The following AUTS2 variants were observed in gnomAD, a reference collection of about 807,000 sequenced individuals.
AUTS2 encodes autism susceptibility gene 2 protein.
Under a neutral mutation model 112.4 loss-of-function variants are expected in AUTS2, and 17 were observed. The observed-to-expected ratio is 0.15, with a 90% confidence interval of 0.10 to 0.23. The LOEUF is 0.23. AUTS2 is among the 10% of genes least tolerant of loss of function. The pLI, the probability that AUTS2 is intolerant of heterozygous loss-of-function variation, is 1.00. For synonymous variants in AUTS2, 751 were observed against 702.7 expected (o/e 1.07, Z -1.09); for missense variants, 1,510 against 1,701.6 (o/e 0.89, Z 1.98).
At chr7:69,950,438 G>GT (rs564329613) in intron 2 of AUTS2, among the ~76,000 whole-genome samples, 2 of 152,022 alleles carry the variant, frequency 1.3e-5, no homozygotes, top group South Asian at 2.1e-4. Context: ...TTTCAACATA[G>GT]TTTTTTTATT....
chr7:69,942,115 T>C (rs1310833652), intron 2 of AUTS2, among the ~76,000 whole-genome samples: 1 of 152,214 alleles, frequency 6.6e-6, no homozygotes, highest in Non-Finnish European at 1.5e-5. Flanking sequence ...CTTGTATCTC[T>C]GTTACTTGAT....
intron 2 of AUTS2, among the ~76,000 whole-genome samples, chr7:70,105,192 G>A (rs1008888252): frequency 6.6e-6 from 1 of 152,120 alleles, no homozygotes; most frequent in Non-Finnish European, 1.5e-5. Context: ...TGTAAATTGG[G>A]AAGTACAATT....
chr7:70,156,711 A>G (rs1001082351), intron 4 of AUTS2, among the ~76,000 whole-genome samples: 2 of 151,574 alleles, frequency 1.3e-5, no homozygotes, highest in Non-Finnish European at 2.9e-5. Context: ...ACAATTTTTC[A>G]GCTTTGTACT....
At chr7:69,917,886 A>G (rs919844309) in intron 2 of AUTS2, among the ~76,000 whole-genome samples, 4 of 151,996 alleles carry the variant, frequency 2.6e-5, no homozygotes, top group African/African-American at 9.7e-5. Context: ...TCTGTCGCCC[A>G]GGCTGGAGTG....
intron 5 of AUTS2, among the ~76,000 whole-genome samples, chr7:70,490,501 T>G (rs1397435506): frequency 6.6e-6 from 1 of 151,966 alleles, no homozygotes; most frequent in East Asian, 1.9e-4. Context: ...AATTGTTGGT[T>G]TCTACAGTGA....
At chr7:69,624,118 A>C (rs1793817251) in intron 1 of AUTS2, among the ~76,000 whole-genome samples, 2 of 152,166 alleles carry the variant, frequency 1.3e-5, no homozygotes, top group South Asian at 2.1e-4. Flanking sequence ...ACTGTCTATT[A>C]ATGCTCACAG....
At chr7:70,434,052 C>T (rs900910655) in intron 4 of AUTS2, among the ~76,000 whole-genome samples, 2 of 152,160 alleles carry the variant, frequency 1.3e-5, no homozygotes, top group Non-Finnish European at 1.5e-5. Flanking sequence ...CTTTTTGCCT[C>T]ATTTTTGCAA....
At chr7:70,432,907 C>T (rs545295051) in intron 4 of AUTS2, among the ~76,000 whole-genome samples, 44 of 152,270 alleles carry the variant, frequency 2.9e-4, no homozygotes, top group Middle Eastern at 3.4e-3. Flanking sequence ...GACCCCAGTG[C>T]AGCAGAGACT....
At chr7:70,651,024 A>G (rs1356256654) in intron 5 of AUTS2, among the ~76,000 whole-genome samples, 1 of 152,220 alleles carries the variant, frequency 6.6e-6, no homozygotes, top group Non-Finnish European at 1.5e-5. Flanking sequence ...GATAGTAATG[A>G]TCAACATTAC....
intron 1 of AUTS2, among the ~76,000 whole-genome samples, chr7:69,773,905 A>G (rs1239994033): frequency 6.6e-6 from 1 of 152,204 alleles, no homozygotes; most frequent in Non-Finnish European, 1.5e-5. Context: ...CCTAACTTGG[A>G]GGAAATAAAC....
intron 5 of AUTS2, among the ~76,000 whole-genome samples, chr7:70,573,288 G>A (rs956920622): frequency 1.2e-4 from 18 of 152,202 alleles, no homozygotes; most frequent in African/African-American, 3.6e-4. Context: ...TGGATTTAAT[G>A]AGCTGGGAAC....
intron 4 of AUTS2, among the ~76,000 whole-genome samples, chr7:70,311,588 G>C (rs941474769): frequency 1.3e-5 from 2 of 152,040 alleles, no homozygotes; most frequent in Admixed American, 1.3e-4. Flanking sequence ...TTACAGTCTC[G>C]TTCTGTCACC....
intron 5 of AUTS2, among the ~76,000 whole-genome samples, chr7:70,551,905 A>G (rs999052634): frequency 3.3e-5 from 5 of 152,252 alleles, no homozygotes; most frequent in Non-Finnish European, 7.3e-5. Context: ...ATCACTACCA[A>G]TTTTGATAAA....
intron 4 of AUTS2, among the ~76,000 whole-genome samples, chr7:70,151,407 G>A (rs1457721131): frequency 6.6e-6 from 1 of 152,066 alleles, no homozygotes; most frequent in Non-Finnish European, 1.5e-5. Context: ...TACATAGTAG[G>A]GTCTTGTCTC....
chr7:70,182,202 G>A (rs1461000245), intron 4 of AUTS2, among the ~76,000 whole-genome samples: 1 of 152,164 alleles, frequency 6.6e-6, no homozygotes, highest in Non-Finnish European at 1.5e-5. Flanking sequence ...TCCTCAGCTT[G>A]CCATTCAAGA....
At chr7:70,231,898 C>T (rs1323202324) in intron 4 of AUTS2, among the ~76,000 whole-genome samples, 3 of 152,002 alleles carry the variant, frequency 2.0e-5, no homozygotes, top group African/African-American at 7.2e-5. Flanking sequence ...CTCAGCTTCC[C>T]GAGTAGCTGG....
At chr7:70,544,746 T>G (rs1246450165) in intron 5 of AUTS2, among the ~76,000 whole-genome samples, 1 of 152,160 alleles carries the variant, frequency 6.6e-6, no homozygotes, top group Non-Finnish European at 1.5e-5. Flanking sequence ...GATAAAGTGA[T>G]CTAGGTTAGA....
chr7:70,769,646 C>T (rs920991818), intron 10 of AUTS2, among the ~76,000 whole-genome samples: 1 of 152,194 alleles, frequency 6.6e-6, no homozygotes, highest in African/African-American at 2.4e-5. Flanking sequence ...GACGGCTCCA[C>T]TGCACTCCTG....
chr7:70,411,718 A>T (rs1794783626), intron 4 of AUTS2, among the ~76,000 whole-genome samples: 1 of 152,140 alleles, frequency 6.6e-6, no homozygotes, highest in Non-Finnish European at 1.5e-5. Flanking sequence ...ATCCTCAGTC[A>T]ACAGACAGTT....
Sources: gnomAD v4.1 joint callset for allele counts (sites outside exome capture counted in the v4.1 genomes callset) on GRCh38, gnomAD v4.1.1 for gene constraint, MANE v1.5 for transcripts, NCBI Gene and HGNC (gene_info 2026-07-23, HGNC 2026-07-21) for gene names.